VPS50: variants seen among roughly 807,000 people sequenced by gnomAD.
The protein encoded by VPS50 is syndetin.
In VPS50, 70 loss-of-function variants were observed where a neutral mutation model predicts 139.7. The observed-to-expected ratio is 0.50, with a 90% confidence interval of 0.41 to 0.61. The LOEUF (loss-of-function observed/expected upper bound fraction) is 0.61, where lower values mean the gene tolerates loss of function less well. VPS50 is among the 20% of genes least tolerant of loss of function. VPS50 has a pLI of 0.00. For missense variants in VPS50, 921 were observed against 1,133.7 expected (o/e 0.81, Z 2.69); for synonymous variants, 365 against 376.7 (o/e 0.97, Z 0.36).
chr7:93,325,225 G>A (rs1797734696), intron 21 of VPS50, among the ~76,000 whole-genome samples: 1 of 152,138 alleles, frequency 6.6e-6, no homozygotes, highest in Non-Finnish European at 1.5e-5. Flanking sequence ...AATGGTGCTT[G>A]GAAAACTGGC....
intron 9 of VPS50, among the ~76,000 whole-genome samples, chr7:93,268,005 T>A (rs1795891862): frequency 6.6e-6 from 1 of 152,212 alleles, no homozygotes; most frequent in Non-Finnish European, 1.5e-5. Flanking sequence ...TTGCTTTACT[T>A]AAGAGCTGCG....
chr7:93,349,450 T>C (rs1798497753), intron 24 of VPS50, among the ~76,000 whole-genome samples: 1 of 152,166 alleles, frequency 6.6e-6, no homozygotes, highest in Non-Finnish European at 1.5e-5. Context: ...GTTTGTGTTT[T>C]AGTTTTCTGG....
rs59890424 is a variant in VPS50, at chr7:93,271,200, GTT to G, written c.660-7_660-6del. 2.8e-4 allele frequency: 370 copies of G among 1,342,636 alleles called. No individual in the cohort carries two copies. Among genetic ancestry groups the G allele is most frequent in the Admixed American group, 1.2e-3 (46 of 37,450 alleles). 83.2% of individuals were successfully genotyped at this position (1,342,636 alleles called of 1,614,324 possible). A position where few individuals can be genotyped will look rare whatever the true frequency, so the allele number is the denominator to read the frequency against. ...TTTGTCTCAGAAATAGAAAAAAACT[GTT>G]TTTTTTTTTTTTAATAGTGAACTGA... On this transcript the variant is annotated intron_variant, in intron 9 of 27. Transcript: ENST00000305866.
intron 19 of VPS50, 70 bp downstream of exon 19, chr7:93,309,012 A>T: frequency 1.4e-6 from 1 of 726,830 alleles, no homozygotes; most frequent in South Asian, 2.3e-5. Context: ...ATTTCCTTTA[A>T]GGTTAAGAAG....
chr7:93,315,957 A>G (rs1797416395), intron 20 of VPS50, among the ~76,000 whole-genome samples: 1 of 152,172 alleles, frequency 6.6e-6, no homozygotes. Flanking sequence ...ATAAATACAA[A>G]ATAAAAAAAT....
At chr7:93,249,313 A>G (rs1201131166) in intron 2 of VPS50, among the ~76,000 whole-genome samples, 1 of 152,020 alleles carries the variant, frequency 6.6e-6, no homozygotes, top group Non-Finnish European at 1.5e-5. Context: ...ACAGAGAGAG[A>G]GAGAGAGAAA....
chr7:93,351,039 G>A (rs1798541544), intron 25 of VPS50, among the ~76,000 whole-genome samples: 2 of 152,130 alleles, frequency 1.3e-5, no homozygotes, highest in Non-Finnish European at 2.9e-5. Flanking sequence ...AATAGAGATG[G>A]TAATGGAGTT....
chr7:93,235,916 A>G (rs1794786021), intron 1 of VPS50, among the ~76,000 whole-genome samples: 1 of 151,746 alleles, frequency 6.6e-6, no homozygotes, highest in Admixed American at 6.6e-5. Context: ...GAGTGTAGAT[A>G]TACAAAGAAT....
chr7:93,358,009 G>A (rs2285504), intron 27 of VPS50, among the ~76,000 whole-genome samples: 43,334 of 151,970 alleles, frequency 0.29, 6,398 homozygotes, highest in African/African-American at 0.33. Context: ...GACTATTACA[G>A]AAACAAGTGT....
intron 9 of VPS50, among the ~76,000 whole-genome samples, chr7:93,260,266 T>A (rs1780070865): frequency 6.6e-6 from 1 of 152,176 alleles, no homozygotes; most frequent in African/African-American, 2.4e-5. Flanking sequence ...TGTGACAGTC[T>A]TGGGGAAGCT....
At chr7:93,314,546 C>G (rs767347676) in intron 20 of VPS50, among the ~76,000 whole-genome samples, 2 of 152,090 alleles carry the variant, frequency 1.3e-5, no homozygotes, top group African/African-American at 2.4e-5. Context: ...TTGGTATTCA[C>G]GGTTCTCTCT....
chr7:93,261,299 A>G (rs1795663216), intron 9 of VPS50, among the ~76,000 whole-genome samples: 1 of 152,192 alleles, frequency 6.6e-6, no homozygotes, highest in Admixed American at 6.5e-5. Flanking sequence ...GTGATAAACC[A>G]CATACAGTGT....
intron 16 of VPS50, among the ~76,000 whole-genome samples, chr7:93,300,278 A>G (rs924973408): frequency 6.6e-6 from 1 of 152,154 alleles, no homozygotes; most frequent in African/African-American, 2.4e-5. Context: ...CAAACATTTA[A>G]GGAGAAAACA....
At chr7:93,238,111 G>T (rs1794872911) in intron 1 of VPS50, among the ~76,000 whole-genome samples, 1 of 152,166 alleles carries the variant, frequency 6.6e-6, no homozygotes, top group African/African-American at 2.4e-5. Flanking sequence ...TTACTTTCAT[G>T]TGTGCATATA....
chr7:93,265,467 G>A (rs565581787), intron 9 of VPS50, among the ~76,000 whole-genome samples: 179 of 152,318 alleles, frequency 1.2e-3, no homozygotes, highest in Middle Eastern at 3.4e-3. Context: ...TGTGGGTTCC[G>A]ATCTGTGATC....
chr7:93,299,849 C>T (rs753425667), intron 16 of VPS50, among the ~76,000 whole-genome samples: 2 of 152,082 alleles, frequency 1.3e-5, no homozygotes, highest in Non-Finnish European at 2.9e-5. Flanking sequence ...GAACATCGTT[C>T]TGTCAGATGC....
intron 11 of VPS50, chr7:93,272,935 G>A: frequency 3.0e-6 from 1 of 338,946 alleles, no homozygotes; most frequent in East Asian, 5.5e-5. Context: ...ACAGTAGTTT[G>A]TTTTGAACTA....
At chr7:93,344,658 G>C (rs886262540) in intron 23 of VPS50, among the ~76,000 whole-genome samples, 1 of 151,828 alleles carries the variant, frequency 6.6e-6, no homozygotes, top group African/African-American at 2.4e-5. Context: ...AATCAAACTA[G>C]AACTCAGGAT....
Position 93,353,758 on chromosome 7 carries a change from A to G in VPS50, c.2582A>G (p.Glu861Gly), listed in dbSNP as rs751772812. The change falls in exon 26 of 28, where the codon GAA becomes GGA. Residue 861 changes from glutamate (E) to glycine (G), a missense_variant. Glu to Gly is a moderately conservative substitution (Grantham distance 98, BLOSUM62 -2). Transcript: ENST00000305866. ...CIRLANRTIV[E>G]GYANVKKCSN... ...CGATTGGCTAATCGAACTATTGTAG[A>G]AGGGTAAGTTTTTCATGAAAGCATT... The G allele has an allele frequency of 5.6e-6, 9 of 1,600,978 alleles. No individual in the cohort carries two copies. Among genetic ancestry groups the G allele is most frequent in the Non-Finnish European group, 7.7e-6 (9 of 1,174,350 alleles).
Sources: allele counts gnomAD v4.1 joint callset (sites outside exome capture counted in the v4.1 genomes callset), GRCh38; gene constraint gnomAD v4.1.1; transcripts MANE v1.5; gene names NCBI Gene and HGNC (gene_info 2026-07-23, HGNC 2026-07-21).